Variants in ABCA12 observed in about 807,000 individuals in gnomAD.
ABCA12 encodes glucosylceramide transporter ABCA12.
ABCA12 carries 156 observed loss-of-function variants against 293.5 expected under a neutral mutation model. The ratio of observed to expected loss-of-function variants is 0.53; its 90% confidence interval spans 0.47 to 0.61. The LOEUF (loss-of-function observed/expected upper bound fraction) is 0.61, where lower values mean the gene tolerates loss of function less well. ABCA12 is among the 20% of genes least tolerant of loss of function. The pLI, the probability that ABCA12 is intolerant of heterozygous loss-of-function variation, is 0.00. For missense variants in ABCA12, 2,797 were observed against 3,090.2 expected (o/e 0.91, Z 2.25); for synonymous variants, 1,063 against 1,108.0 (o/e 0.96, Z 0.81).
At chr2:215,129,158 T>C (rs1213196288) in intron 1 of ABCA12, among the ~76,000 whole-genome samples, 1 of 152,156 alleles carries the variant, frequency 6.6e-6, no homozygotes, top group Non-Finnish European at 1.5e-5. Flanking sequence ...CTGTCTATGG[T>C]CTCTCAGCCA....
intron 11 of ABCA12, among the ~76,000 whole-genome samples, chr2:215,024,045 T>A (rs1299735580): frequency 6.6e-6 from 1 of 152,208 alleles, no homozygotes; most frequent in Non-Finnish European, 1.5e-5. Flanking sequence ...CCTATACCTG[T>A]CTTTCAAGTT....
intron 1 of ABCA12, among the ~76,000 whole-genome samples, chr2:215,118,438 T>C (rs1051353096): frequency 6.6e-6 from 1 of 152,034 alleles, no homozygotes; most frequent in African/African-American, 2.4e-5. Context: ...AATGATATGA[T>C]ACTGAATATC....
At chr2:215,115,870 C>A (rs1702675581) in intron 1 of ABCA12, among the ~76,000 whole-genome samples, 1 of 152,140 alleles carries the variant, frequency 6.6e-6, no homozygotes, top group South Asian at 2.1e-4. Context: ...GACATGGGCA[C>A]TGAGGCAGTG....
intron 51 of ABCA12, among the ~76,000 whole-genome samples, 189 bp downstream of exon 51, chr2:214,937,321 C>T (rs1359129793): frequency 6.6e-6 from 1 of 152,194 alleles, no homozygotes; most frequent in African/African-American, 2.4e-5. Context: ...GCCTCAGCCT[C>T]CCGAGTAGCT....
At chr2:215,076,270 C>T (rs1169329566) in intron 2 of ABCA12, among the ~76,000 whole-genome samples, 2 of 152,142 alleles carry the variant, frequency 1.3e-5, no homozygotes, top group African/African-American at 4.8e-5. Context: ...CTTCGCAGAT[C>T]CATTTTTCGT....
intron 8 of ABCA12, among the ~76,000 whole-genome samples, chr2:215,036,303 G>A (rs972499553): frequency 7.2e-5 from 11 of 152,204 alleles, no homozygotes; most frequent in African/African-American, 2.7e-4. Flanking sequence ...ATCTCAGGAT[G>A]CTTATTTTGT....
At position 214,958,438 on chromosome 2, in the gene ABCA12, C is replaced by T. The variant is rs746547558; in HGVS notation, c.5956G>A (p.Asp1986Asn). The T allele has an allele frequency of 2.5e-6, 4 of 1,613,744 alleles. No individual in the cohort carries two copies. Among genetic ancestry groups the T allele is most frequent in the East Asian group, 2.2e-5 (1 of 44,844 alleles). ...AAGATAGACAGTGCCACTAAAATATCGATTAAACTGCTGATTCTAGAGTGA... is the reference window on the plus strand; with the variant it reads ...AAGATAGACAGTGCCACTAAAATATTGATTAAACTGCTGATTCTAGAGTGA... The part of the protein sequence containing the change: ...QEQATISSLI[D>N]ILVALSILMG... The change falls in exon 41 of 53, where the codon GAT becomes AAT. Residue 1986 changes from aspartate (D) to asparagine (N), a missense_variant. Asp to Asn is a conservative substitution (Grantham distance 23, BLOSUM62 1). Around this residue, in one of 3 missense-constraint regions of ABCA12, gnomAD observed 2,130 missense variants for 2,427.0 expected, o/e 0.88. Transcript: ENST00000272895.
intron 5 of ABCA12, among the ~76,000 whole-genome samples, chr2:215,051,605 C>G (rs73074413): frequency 1.9e-5 from 1 of 51,740 alleles, no homozygotes; most frequent in African/African-American, 3.9e-5. Context: ...TTATTAAAAA[C>G]GCTAGTGTGT....
In ABCA12 at chr2:214,943,015, A is replaced by G. The variant is rs1239679638; in HGVS notation, c.7346T>C (p.Met2449Thr). ...GGTACAGAGAGCTTCACATTCTTCC[A>G]TGCTAAAAGACAAAGCAGGATCATA... ...KCSVILTSHSMEECEALCTRL... is the reference protein window; with the variant it reads ...KCSVILTSHSTEECEALCTRL... Residue 2449 changes from methionine to threonine, a missense_variant and splice_region_variant, in exon 50 of 53, where the codon ATG becomes ACG. Met to Thr is a moderately conservative substitution (Grantham distance 81). Coordinates refer to ENST00000272895, the MANE Select transcript of ABCA12 (RefSeq NM_173076.3). The G allele has an allele frequency of 6.2e-7, 1 of 1,612,708 alleles. No homozygotes were observed.
chr2:214,957,824 C>T (rs917703142), intron 41 of ABCA12, among the ~76,000 whole-genome samples: 22 of 152,184 alleles, frequency 1.4e-4, no homozygotes, highest in African/African-American at 4.6e-4. Flanking sequence ...GCTACTACTT[C>T]GCATTTTCCA....
intron 8 of ABCA12, among the ~76,000 whole-genome samples, chr2:215,034,644 C>T (rs1168307720): frequency 1.3e-5 from 2 of 152,176 alleles, no homozygotes; most frequent in Admixed American, 6.5e-5. Context: ...TTTGGAGATA[C>T]ACAGATCCAA....
chr2:214,997,601 T>C (rs922727229), intron 23 of ABCA12, 94 bp downstream of exon 23: 2 of 943,500 alleles, frequency 2.1e-6, no homozygotes, highest in South Asian at 3.1e-5. Flanking sequence ...AGGGATAAGT[T>C]AGGCTTTCTG....
intron 11 of ABCA12, among the ~76,000 whole-genome samples, chr2:215,024,857 T>C (rs1700703716): frequency 6.6e-6 from 1 of 152,200 alleles, no homozygotes; most frequent in Non-Finnish European, 1.5e-5. Flanking sequence ...AATTTCATGA[T>C]AACCTGTATA....
chr2:215,097,463 C>T (rs1032553327), intron 2 of ABCA12, among the ~76,000 whole-genome samples: 1 of 152,066 alleles, frequency 6.6e-6, no homozygotes, highest in African/African-American at 2.4e-5. Context: ...TGCGTTCTTT[C>T]CCTTTAGAGT....
rs1366719136 is a variant in ABCA12 at position 214,968,794 on chromosome 2, T to G, written c.5704A>C (p.Ser1902Arg). The G allele has an allele frequency of 6.2e-7, 1 of 1,613,024 alleles. No individual in the cohort carries two copies. Residue 1902 changes from serine to arginine, a missense_variant, in exon 38 of 53, where the codon AGT (serine) becomes CGT (arginine). Ser to Arg is a moderately radical substitution (Grantham distance 110). Coordinates refer to ENST00000272895, the MANE Select transcript of ABCA12 (RefSeq NM_173076.3). ...EFVQKRYGGW[S>R]FGLPLTKDLR... ...TCTTTTGTCAAAGGCAGCCCAAAAC[T>G]CCAACCTCCATATCTACAGAGAGTA...
At chr2:214,953,664 C>T (rs1574937306) in intron 44 of ABCA12, among the ~76,000 whole-genome samples, 190 bp downstream of exon 44, 2 of 152,150 alleles carry the variant, frequency 1.3e-5, no homozygotes, top group African/African-American at 4.8e-5. Flanking sequence ...TAGTTGCAGT[C>T]ACATATTAAG....
rs778581410 is a variant in ABCA12, at chr2:214,986,545, G to C, written c.4160C>G (p.Thr1387Ser). 6 of 1,613,698 alleles carry C rather than the reference G, an allele frequency of 3.7e-6. No homozygotes were observed. The East Asian group carries it at 1.3e-4, about 36-fold the overall frequency. The change falls in exon 28 of 53, where the codon ACC becomes AGC. Residue 1387 changes from threonine to serine, a missense_variant. This residue lies in a region of ABCA12 where 2,130 missense variants were observed against 2,427.0 expected (regional missense o/e 0.88). Transcript: ENST00000272895. ...LGPNGAGKTTTISMLTGLFGA... is the reference protein window; with the variant it reads ...LGPNGAGKTTSISMLTGLFGA... ...AAATGTCAAAAAGTTAACATACATG[G>C]TAGTAGTTTTCCCAGCTCCATTGGG...
intron 41 of ABCA12, 61 bp downstream of exon 41, chr2:214,958,216 C>T (rs747364510): frequency 1.1e-5 from 18 of 1,597,354 alleles, no homozygotes; most frequent in Non-Finnish European, 1.4e-5. Context: ...GAATAGAAAA[C>T]TGATGTCTTC....
Position 215,026,835 on chromosome 2 carries a change from C to T in ABCA12, c.1165G>A (p.Ala389Thr), listed in dbSNP as rs779247356. The T allele has an allele frequency of 1.4e-5, 23 of 1,609,454 alleles. No individual in the cohort carries two copies. The highest frequency in any genetic ancestry group is 1.8e-5 in the Non-Finnish European group (21 of 1,175,998). Residue 389 changes from alanine (A) to threonine (T), a missense_variant, in exon 10 of 53, where the codon GCC becomes ACC. This residue lies in a region of ABCA12 where 656 missense variants were observed against 638.2 expected (regional missense o/e 1.03). Coordinates refer to ENST00000272895, the MANE Select transcript of ABCA12 (RefSeq NM_173076.3). The part of the protein sequence containing the change: ...ACVRNVTDSL[A>T]RGSPENLRLL... ...ACAGTATTACCTGGTGAACCTCTGG[C>T]CAAACTGTCAGTCACATTTCTCACA...
Sources: gnomAD v4.1 joint callset for allele counts (sites outside exome capture counted in the v4.1 genomes callset) on GRCh38, gnomAD v4.1.1 for gene constraint, gnomAD v4.1.1 regional missense constraint, MANE v1.5 for transcripts, NCBI Gene and HGNC (gene_info 2026-07-23, HGNC 2026-07-21) for gene names.